PALMD: variants seen among roughly 807,000 people sequenced by gnomAD.
The protein encoded by PALMD is palmdelphin.
PALMD carries 42 observed loss-of-function variants against 56.2 expected under a neutral mutation model. The observed-to-expected ratio is 0.75, with a 90% CI of 0.58 to 0.97. The LOEUF is 0.97. Among genes scored for constraint, PALMD ranks in the 50% least tolerant of loss-of-function variants. PALMD has a pLI of 0.00. For synonymous variants in PALMD, 242 were observed against 222.9 expected (o/e 1.09, Z -0.76); for missense variants, 660 against 643.8 (o/e 1.03, Z -0.27).
chr1:99,662,855 T>A (rs1318164744), intron 2 of PALMD, among the ~76,000 whole-genome samples: 1 of 152,218 alleles, frequency 6.6e-6, no homozygotes, highest in Non-Finnish European at 1.5e-5. Context: ...CAATGTTGTT[T>A]GAGTATGCTT....
chr1:99,689,527 G>A lies in PALMD; in HGVS notation c.1267G>A (p.Ala423Thr). Residue 423 changes from alanine (A) to threonine (T), a missense_variant, in exon 7 of 8, where the codon GCA (alanine) becomes ACA (threonine). Ala to Thr is a moderately conservative substitution (Grantham distance 58, BLOSUM62 0). Transcript: ENST00000263174. The stretch of plus-strand genomic sequence containing the variant: ...AATGATTTTCATGGGGTATCAGCAG[G>A]CAGAAGACAGTGAAGAAGATAAGAA... ...VTMIFMGYQQ[A>T]EDSEEDKKFL... is the part of the protein sequence containing the mutation. 1.2e-6 allele frequency: 2 copies of A among 1,613,776 alleles called. No individual in the cohort carries two copies. The highest frequency in any genetic ancestry group is 1.7e-6 in the Non-Finnish European group (2 of 1,179,824).
At chr1:99,684,872 C>A (rs1557674553) in intron 3 of PALMD, 1 of 152,216 alleles carries the variant, frequency 6.6e-6, no homozygotes, top group Non-Finnish European at 1.5e-5. Context: ...AGGAAGCTGG[C>A]AGATGAACCA....
chr1:99,666,597 C>T (rs1403350789), intron 2 of PALMD, among the ~76,000 whole-genome samples: 3 of 152,096 alleles, frequency 2.0e-5, no homozygotes, highest in Non-Finnish European at 4.4e-5. Context: ...CCATTCTCTC[C>T]TCACAGATTT....
At chr1:99,689,999 T>C (rs1372057479) in intron 7 of PALMD, 127 bp downstream of exon 7, 1 of 739,128 alleles carries the variant, frequency 1.4e-6, no homozygotes, top group Non-Finnish European at 2.2e-6. Context: ...GATTTTTTTA[T>C]TAATGCTGAT....
At chr1:99,692,610 CA>C in intron 7 of PALMD, among the ~76,000 whole-genome samples, 1 of 152,136 alleles carries the variant, frequency 6.6e-6, no homozygotes, top group Non-Finnish European at 1.5e-5. Flanking sequence ...ATGTCCACAG[CA>C]CACAGGATGT....
chr1:99,664,423 C>A (rs1265287347), intron 2 of PALMD, among the ~76,000 whole-genome samples: 2 of 152,088 alleles, frequency 1.3e-5, no homozygotes, highest in Non-Finnish European at 2.9e-5. Context: ...TATGTACAAG[C>A]TATGAAGCTA....
intron 1 of PALMD, among the ~76,000 whole-genome samples, chr1:99,655,971 T>C (rs1002218220): frequency 1.3e-5 from 2 of 151,696 alleles, no homozygotes; most frequent in Non-Finnish European, 2.9e-5. Flanking sequence ...CACACACGCA[T>C]GCACTTTTTG....
In PALMD at chr1:99,686,926, A is replaced by G. The variant is rs1571075749; in HGVS notation, c.367-4A>G. On this transcript the variant is annotated splice_region_variant and splice_polypyrimidine_tract_variant and intron_variant, in intron 4 of 7. Coordinates refer to ENST00000263174, the MANE Select transcript of PALMD (RefSeq NM_017734.5). ...TAATCATGGAGAATTCTTTTTTCTT[A>G]CAGTCTGTGAAAGTGGAAAGAGAAG... 6.4e-7 allele frequency: 1 copy of G among 1,566,212 alleles called. No individual in the cohort carries two copies. The highest frequency in any genetic ancestry group is 8.8e-7 in the Non-Finnish European group (1 of 1,142,642).
intron 1 of PALMD, among the ~76,000 whole-genome samples, chr1:99,660,759 G>T (rs1453774535): frequency 6.6e-6 from 1 of 152,082 alleles, no homozygotes; most frequent in Non-Finnish European, 1.5e-5. Context: ...GGTAGTATGC[G>T]CCTGTAGTCC....
chr1:99,678,920 C>CT (rs1486074307), intron 3 of PALMD, among the ~76,000 whole-genome samples: 1 of 151,198 alleles, frequency 6.6e-6, no homozygotes, highest in Non-Finnish European at 1.5e-5. Context: ...CTCTTGAGCC[C>CT]AGGAGTTAAA....
intron 4 of PALMD, 30 bp from the exon 5 acceptor site, chr1:99,686,900 T>G (rs777371019): frequency 1.3e-6 from 2 of 1,496,986 alleles, no homozygotes; most frequent in Admixed American, 3.5e-5. Context: ...TTAAACTGTA[T>G]TAATCATGGA....
chr1:99,687,963 A>T (rs1411427561), intron 6 of PALMD, among the ~76,000 whole-genome samples: 2 of 152,156 alleles, frequency 1.3e-5, no homozygotes, highest in Non-Finnish European at 2.9e-5. Context: ...GGGAGGACAC[A>T]ACAAAAGCAA....
chr1:99,677,037 T>G (rs1444265125), intron 3 of PALMD, among the ~76,000 whole-genome samples: 1 of 152,196 alleles, frequency 6.6e-6, no homozygotes, highest in Non-Finnish European at 1.5e-5. Context: ...TGAGTTATGA[T>G]TTAAAAAAGT....
Position 99,683,088 on chromosome 1 carries a change from GAGAA to G in PALMD, c.252-3510_252-3507del, listed in dbSNP as rs1217087610. The stretch of plus-strand genomic sequence containing the variant: ...AGAGAGAGAGAGAGAGAGAGAGAGA[GAGAA>G]AGAAAGAAAGAAAGAAAGAAAGAAA... On this transcript the variant is annotated intron_variant, in intron 3 of 7. Transcript: ENST00000263174. 4.5e-3 allele frequency among the ~76,000 whole-genome samples: 122 copies of G among 27,208 alleles called. 2 individuals are homozygous for G. Among genetic ancestry groups the G allele is most frequent in the East Asian group, 8.2e-3 (10 of 1,224 alleles). The allele number at this position is 27,208 out of a possible 152,430, so 17.8% of individuals were successfully genotyped here. A position where few individuals can be genotyped will look rare whatever the true frequency, so the allele number is the denominator to read the frequency against.
chr1:99,692,989 A>G (rs566518586), intron 7 of PALMD, among the ~76,000 whole-genome samples: 2 of 152,356 alleles, frequency 1.3e-5, no homozygotes, highest in Admixed American at 6.5e-5. Context: ...AAAATATTTC[A>G]TATAAGTGGA....
At chr1:99,690,088 T>A in intron 7 of PALMD, 2 of 505,476 alleles carry the variant, frequency 4.0e-6, no homozygotes, top group South Asian at 8.5e-5. Context: ...TTGCCTTATT[T>A]GATATTGTAT....
chr1:99,672,388 G>A (rs983137806), intron 3 of PALMD, among the ~76,000 whole-genome samples: 6 of 152,062 alleles, frequency 3.9e-5, no homozygotes, highest in Admixed American at 1.3e-4. Flanking sequence ...CGCTTACTGC[G>A]ACCACTGAAC....
At chr1:99,680,968 C>T (rs1250131048) in intron 3 of PALMD, among the ~76,000 whole-genome samples, 1 of 151,920 alleles carries the variant, frequency 6.6e-6, no homozygotes, top group East Asian at 1.9e-4. Flanking sequence ...GACATTATCT[C>T]ATGATGATTA....
chr1:99,659,656 T>C (rs1432346454), intron 1 of PALMD, among the ~76,000 whole-genome samples: 2 of 152,244 alleles, frequency 1.3e-5, no homozygotes, highest in Non-Finnish European at 2.9e-5. Context: ...TTTATTCTGC[T>C]ATACTGAAAC....
Sources: allele counts gnomAD v4.1 joint callset (sites outside exome capture counted in the v4.1 genomes callset), GRCh38; gene constraint gnomAD v4.1.1; transcripts MANE v1.5; gene names NCBI Gene and HGNC (gene_info 2026-07-23, HGNC 2026-07-21).